CDK14: variants seen among roughly 807,000 people sequenced by gnomAD.
CDK14 encodes cyclin dependent kinase 14, also known as cyclin-dependent kinase 14.
A neutral mutation model predicts 60.7 loss-of-function variants in CDK14; 34 were observed. The observed-to-expected ratio is 0.56, with a 90% CI of 0.43 to 0.75. The LOEUF is 0.75. Ranked by LOEUF, CDK14 falls within the 30% of genes least tolerant of loss-of-function variation. The probability of loss-of-function intolerance (pLI) is 0.00; values close to 1 mark genes in which losing one functional copy is unlikely to be tolerated. For synonymous variants in CDK14, 197 were observed against 203.7 expected (o/e 0.97, Z 0.28); for missense variants, 482 against 564.1 (o/e 0.85, Z 1.47).
At chr7:91,128,518 C>G (rs1054749853) in intron 14 of CDK14, among the ~76,000 whole-genome samples, 1 of 152,048 alleles carries the variant, frequency 6.6e-6, no homozygotes, top group Non-Finnish European at 1.5e-5. Flanking sequence ...GATTTTTTAT[C>G]TTTCACAGAA....
intron 9 of CDK14, among the ~76,000 whole-genome samples, chr7:90,957,227 A>G (rs895575407): frequency 1.5e-4 from 23 of 152,060 alleles, no homozygotes; most frequent in Non-Finnish European, 3.1e-4. Context: ...TTACAGTCCC[A>G]CCAACAGTGT....
chr7:90,812,541 A>G (rs1222837330), intron 5 of CDK14, among the ~76,000 whole-genome samples: 1 of 152,180 alleles, frequency 6.6e-6, no homozygotes, highest in Non-Finnish European at 1.5e-5. Context: ...TGGGTGCAGC[A>G]CACCAGCATG....
intron 3 of CDK14, among the ~76,000 whole-genome samples, chr7:90,742,270 T>A (rs1040819125): frequency 7.9e-5 from 12 of 152,048 alleles, no homozygotes; most frequent in African/African-American, 2.9e-4. Context: ...TTCTGTTTAT[T>A]GTGTCTTAGT....
intron 2 of CDK14, among the ~76,000 whole-genome samples, chr7:90,718,356 G>A (rs1027778702): frequency 6.6e-6 from 1 of 152,130 alleles, no homozygotes; most frequent in African/African-American, 2.4e-5. Flanking sequence ...CACAAAGGAA[G>A]CACAAAGAAG....
intron 2 of CDK14, among the ~76,000 whole-genome samples, chr7:90,646,904 T>C (rs1173707929): frequency 1.3e-5 from 2 of 152,214 alleles, no homozygotes; most frequent in East Asian, 1.9e-4. Context: ...TATGGTAATA[T>C]ACATTTAAAA....
chr7:91,179,348 C>A (rs1801910638), intron 14 of CDK14, among the ~76,000 whole-genome samples: 1 of 92,218 alleles, frequency 1.1e-5, no homozygotes, highest in Non-Finnish European at 2.0e-5. Flanking sequence ...ACTCTGGGGA[C>A]TGTTGTGGGG....
chr7:90,601,525 T>TGGAAG (rs1563011962), intron 1 of CDK14, among the ~76,000 whole-genome samples: 1 of 152,216 alleles, frequency 6.6e-6, no homozygotes, highest in Non-Finnish European at 1.5e-5. Context: ...TAATCTGGCT[T>TGGAAG]CCTGTTCATT....
At chr7:91,108,620 A>G (rs1799381520) in intron 12 of CDK14, among the ~76,000 whole-genome samples, 1 of 152,216 alleles carries the variant, frequency 6.6e-6, no homozygotes, top group Non-Finnish European at 1.5e-5. Context: ...GCCTGCCACT[A>G]TATGTTTATA....
chr7:90,662,216 G>A (rs1460496771), intron 2 of CDK14, among the ~76,000 whole-genome samples: 1 of 152,140 alleles, frequency 6.6e-6, no homozygotes. Flanking sequence ...AGAAATTCTG[G>A]TATCATTTAT....
intron 4 of CDK14, among the ~76,000 whole-genome samples, chr7:90,764,055 T>C (rs1375015723): frequency 6.6e-6 from 1 of 152,180 alleles, no homozygotes; most frequent in Admixed American, 6.5e-5. Flanking sequence ...GAATATGTTA[T>C]TGTGGGATCC....
Position 91,112,700 on chromosome 7 carries a change from CA to C in CDK14, c.1294+21del, listed in dbSNP as rs1562909571. 2 of 1,612,114 alleles carry C rather than the reference CA, an allele frequency of 1.2e-6. No individual in the cohort carries two copies. The highest frequency in any genetic ancestry group is 8.5e-7 in the Non-Finnish European group (1 of 1,178,866). On this transcript the variant is annotated intron_variant, in intron 13 of 14. Transcript: ENST00000380050. ...ACCGACAGTGAGTATGACAAATCCA[CA>C]ACATCCAGTCCAAGCAGACACATCA...
intron 2 of CDK14, among the ~76,000 whole-genome samples, chr7:90,723,178 G>A (rs1802515614): frequency 6.6e-6 from 1 of 152,098 alleles, no homozygotes; most frequent in East Asian, 1.9e-4. Context: ...TTTATCAAAT[G>A]CTTTTTTCTG....
In CDK14 at chr7:91,168,049, G is replaced by A. The variant is rs550230334; in HGVS notation, c.*29-39116G>A. Among the ~76,000 whole-genome samples, 21 of 152,208 alleles carry A rather than the reference G, an allele frequency of 1.4e-4. No homozygotes were observed. In the South Asian group the frequency reaches 4.1e-3, roughly 30 times the overall value. On this transcript the variant is annotated intron_variant, in intron 14 of 14. Transcript: ENST00000380050. The stretch of plus-strand genomic sequence containing the variant: ...GAGGCCAAGGTGGCTGGATCACGAG[G>A]TCAGGAGATCGAGACCACCCTGGCC...
chr7:91,132,520 C>T (rs79774702), intron 14 of CDK14, among the ~76,000 whole-genome samples: 72 of 152,184 alleles, frequency 4.7e-4, no homozygotes, highest in African/African-American at 1.7e-3. Context: ...TGGTCACAGA[C>T]AGAAGAACCA....
intron 11 of CDK14, among the ~76,000 whole-genome samples, chr7:91,064,968 G>A (rs556759069): frequency 1.9e-4 from 29 of 152,166 alleles, no homozygotes; most frequent in Non-Finnish European, 4.0e-4. Context: ...GGTAGAGAAA[G>A]GTGTAGATGG....
chr7:90,641,568 T>C (rs1268174113), intron 2 of CDK14, among the ~76,000 whole-genome samples: 1 of 151,664 alleles, frequency 6.6e-6, no homozygotes, highest in African/African-American at 2.4e-5. Context: ...ATGTCCAAAA[T>C]AGGTAAATCT....
At chr7:90,821,104 T>C (rs1157972716) in intron 5 of CDK14, among the ~76,000 whole-genome samples, 1 of 152,168 alleles carries the variant, frequency 6.6e-6, no homozygotes, top group Admixed American at 6.5e-5. Flanking sequence ...GCCCTTCTGA[T>C]TATATGTCCC....
chr7:91,167,134 T>C (rs1490767179), intron 14 of CDK14, among the ~76,000 whole-genome samples: 1 of 152,234 alleles, frequency 6.6e-6, no homozygotes, highest in Non-Finnish European at 1.5e-5. Flanking sequence ...AAAGCTGTTA[T>C]ATACAGCTCT....
At chr7:91,147,162 T>TTTCTCTCTCACA (rs1800673583) in intron 14 of CDK14, among the ~76,000 whole-genome samples, 1 of 124,698 alleles carries the variant, frequency 8.0e-6, no homozygotes, top group African/African-American at 3.3e-5. Flanking sequence ...TCTCTCTCTC[T>TTTCTCTCTCACA]CACACACACA....
Sources: allele counts gnomAD v4.1 joint callset (sites outside exome capture counted in the v4.1 genomes callset), GRCh38; gene constraint gnomAD v4.1.1; transcripts MANE v1.5; gene names NCBI Gene and HGNC (gene_info 2026-07-23, HGNC 2026-07-21).